Variants in TNFSF4 observed in about 807,000 individuals in gnomAD.
TNFSF4 encodes the protein TNF superfamily member 4.
A neutral mutation model predicts 7.3 loss-of-function variants in TNFSF4; 4 were observed. That is an observed-to-expected ratio of 0.55 (90% CI 0.27 to 1.25). The LOEUF (loss-of-function observed/expected upper bound fraction) is 1.25, where lower values mean the gene tolerates loss of function less well. TNFSF4 is among the 50% of genes most tolerant of loss of function. The pLI, the probability that TNFSF4 is intolerant of heterozygous loss-of-function variation, is 0.12. For synonymous variants in TNFSF4, 76 were observed against 83.7 expected (o/e 0.91, Z 0.50); for missense variants, 181 against 208.8 (o/e 0.87, Z 0.82).
At chr1:173,225,295 C>T in the TNFSF4 span, among the ~76,000 whole-genome samples, 1 of 152,204 alleles carries the variant, frequency 6.6e-6, no homozygotes, top group African/African-American at 2.4e-5. Context: ...TCTTTCCTGA[C>T]TTCTAAACAT....
At chr1:173,396,472 T>A in the TNFSF4 span, among the ~76,000 whole-genome samples, 3 of 152,242 alleles carry the variant, frequency 2.0e-5, no homozygotes, top group Non-Finnish European at 2.9e-5. Context: ...TTCATACCAC[T>A]GCACTCCAGC....
At chr1:173,362,844 G>A in the TNFSF4 span, 1 of 439,042 alleles carries the variant, frequency 2.3e-6, no homozygotes, top group Non-Finnish European at 4.5e-6. Flanking sequence ...CTGAACATTG[G>A]CTGCCACAGC....
chr1:173,366,127 A>G, the TNFSF4 span, among the ~76,000 whole-genome samples: 2 of 152,232 alleles, frequency 1.3e-5, no homozygotes. Context: ...AACTCCTAGT[A>G]TATACCCAAA....
At chr1:173,335,362 T>C in the TNFSF4 span, among the ~76,000 whole-genome samples, 354 of 152,236 alleles carry the variant, frequency 2.3e-3, 1 homozygote, top group Non-Finnish European at 3.3e-3. Flanking sequence ...AGCCCTGGCA[T>C]CTTTGAAGAG....
the TNFSF4 span, among the ~76,000 whole-genome samples, chr1:173,429,532 G>C: frequency 2.9e-4 from 44 of 152,292 alleles, no homozygotes; most frequent in African/African-American, 9.6e-4. Flanking sequence ...ATGGCTCTTG[G>C]AAACAAGAGC....
intron 1 of TNFSF4, among the ~76,000 whole-genome samples, chr1:173,200,739 A>T (rs1391919981): frequency 1.3e-5 from 2 of 152,082 alleles, no homozygotes; most frequent in African/African-American, 4.8e-5. Context: ...GCCGCTGGGG[A>T]GCCCAGCCCT....
At chr1:173,347,063 A>G in the TNFSF4 span, among the ~76,000 whole-genome samples, 1 of 152,218 alleles carries the variant, frequency 6.6e-6, no homozygotes, top group Non-Finnish European at 1.5e-5. Context: ...CAGAGGAAAA[A>G]TAAGTTTTTT....
the TNFSF4 span, among the ~76,000 whole-genome samples, chr1:173,308,346 T>C: frequency 6.6e-6 from 1 of 150,790 alleles, no homozygotes; most frequent in African/African-American, 2.4e-5. Flanking sequence ...TGAGACCTTT[T>C]CCCCTGTGTC....
the TNFSF4 span, among the ~76,000 whole-genome samples, chr1:173,332,797 G>C: frequency 6.6e-6 from 1 of 152,084 alleles, no homozygotes. Flanking sequence ...AGTAAGCCAA[G>C]ATCAGGCCAC....
chr1:173,364,379 G>GTATATATATATATATATA, the TNFSF4 span, among the ~76,000 whole-genome samples: 3 of 109,098 alleles, frequency 2.7e-5, no homozygotes, highest in African/African-American at 7.5e-5. Context: ...TGGGGTGTAT[G>GTATATATATATATATATA]TGTATATATA....
At chr1:173,307,650 G>T in the TNFSF4 span, among the ~76,000 whole-genome samples, 1 of 151,850 alleles carries the variant, frequency 6.6e-6, no homozygotes, top group Non-Finnish European at 1.5e-5. Flanking sequence ...TTGTTCTCAT[G>T]AAATACTAAA....
chr1:173,437,612 T>C, the TNFSF4 span, among the ~76,000 whole-genome samples: 1 of 152,208 alleles, frequency 6.6e-6, no homozygotes. Context: ...AAATCTATTG[T>C]TACTTTTTCC....
chr1:173,290,741 T>C, the TNFSF4 span, among the ~76,000 whole-genome samples: 1 of 152,034 alleles, frequency 6.6e-6, no homozygotes, highest in African/African-American at 2.4e-5. Flanking sequence ...CCTAATAGAC[T>C]TCTACAGAAT....
chr1:173,174,819 C>T, the TNFSF4 span, among the ~76,000 whole-genome samples: 1 of 152,204 alleles, frequency 6.6e-6, no homozygotes, highest in Admixed American at 6.5e-5. Flanking sequence ...ATCTCATACA[C>T]TGCCATATGG....
the TNFSF4 span, among the ~76,000 whole-genome samples, chr1:173,268,986 G>A: frequency 5.5e-3 from 835 of 152,092 alleles, 8 homozygotes; most frequent in Middle Eastern, 0.041. Flanking sequence ...ATGTGACGAA[G>A]TCATTTTTCA....
chr1:173,177,738 A>T, the TNFSF4 span, among the ~76,000 whole-genome samples: 1 of 152,214 alleles, frequency 6.6e-6, no homozygotes, highest in Non-Finnish European at 1.5e-5. Context: ...TGGGCATAGC[A>T]CTTTGTTAAG....
chr1:173,260,628 A>T, the TNFSF4 span, among the ~76,000 whole-genome samples: 6 of 152,204 alleles, frequency 3.9e-5, no homozygotes, highest in South Asian at 1.2e-3. Context: ...ATAGAATCAA[A>T]ATAAAGGGAT....
chr1:173,235,572 C>T, the TNFSF4 span, among the ~76,000 whole-genome samples: 1 of 152,118 alleles, frequency 6.6e-6, no homozygotes, highest in Non-Finnish European at 1.5e-5. Context: ...GTAGGAAAAC[C>T]CAAGGAGCTT....
At chr1:173,345,225 T>C in the TNFSF4 span, among the ~76,000 whole-genome samples, 1 of 152,146 alleles carries the variant, frequency 6.6e-6, no homozygotes, top group African/African-American at 2.4e-5. Flanking sequence ...GGTCAAAGAA[T>C]AAGAGAAATA....
Sources: allele counts gnomAD v4.1 joint callset (sites outside exome capture counted in the v4.1 genomes callset), GRCh38; gene constraint gnomAD v4.1.1; transcripts MANE v1.5; gene names NCBI Gene and HGNC (gene_info 2026-07-23, HGNC 2026-07-21).